FBXL17: variants seen among roughly 807,000 people sequenced by gnomAD.
The protein encoded by FBXL17 is F-box/LRR-repeat protein 17.
FBXL17 carries 22 observed loss-of-function variants against 66.2 expected under a neutral mutation model. The ratio of observed to expected loss-of-function variants is 0.33; its 90% CI spans 0.24 to 0.47. The LOEUF (loss-of-function observed/expected upper bound fraction) is 0.47, where lower values mean the gene tolerates loss of function less well. Ranked by LOEUF, FBXL17 falls within the 20% of genes least tolerant of loss-of-function variation. The pLI is 1.00. For missense variants in FBXL17, 878 were observed against 948.2 expected, an observed-to-expected ratio of 0.93 and a Z score of 0.97; for synonymous variants, 474 against 400.5, an observed-to-expected ratio of 1.18 and a Z score of -2.19.
intron 7 of FBXL17, among the ~76,000 whole-genome samples, chr5:108,016,360 G>A (rs1173174608): frequency 6.6e-6 from 1 of 152,144 alleles, no homozygotes; most frequent in Non-Finnish European, 1.5e-5. Context: ...TCAGCAACCT[G>A]TATGCCCCCA....
intron 6 of FBXL17, among the ~76,000 whole-genome samples, chr5:108,147,986 CA>C (rs1467497472): frequency 1.3e-5 from 2 of 149,882 alleles, no homozygotes; most frequent in African/African-American, 4.9e-5. Flanking sequence ...ATAATATAGG[CA>C]AAGGAAAAAA....
chr5:108,053,589 C>T (rs1179636155), intron 6 of FBXL17, among the ~76,000 whole-genome samples: 1 of 151,934 alleles, frequency 6.6e-6, no homozygotes, highest in Admixed American at 6.6e-5. Flanking sequence ...GTCAGAATGG[C>T]AATTATTAAA....
intron 6 of FBXL17, among the ~76,000 whole-genome samples, chr5:108,115,595 GAC>G (rs1370935998): frequency 2.7e-5 from 4 of 150,338 alleles, no homozygotes; most frequent in Non-Finnish European, 5.9e-5. Flanking sequence ...GAGAAATGCA[GAC>G]ACAGTATTTT....
chr5:108,330,461 G>A (rs2150236005), intron 4 of FBXL17, among the ~76,000 whole-genome samples: 1 of 152,222 alleles, frequency 6.6e-6, no homozygotes, highest in Non-Finnish European at 1.5e-5. Flanking sequence ...TTAATTATGT[G>A]AAACTTCTCA....
At chr5:108,350,125 A>T (rs1747547019) in intron 3 of FBXL17, among the ~76,000 whole-genome samples, 1 of 152,216 alleles carries the variant, frequency 6.6e-6, no homozygotes, top group South Asian at 2.1e-4. Flanking sequence ...CAGTGGGAAA[A>T]GCAAAGAAGT....
chr5:108,381,281 G>A lies in FBXL17; in HGVS notation c.411C>T (p.Pro137=). ...AAAAAASASS[P]ASCCKELGLA... is the part of the protein sequence containing the mutation. ...GCCCCAACTCTTTGCAGCAGGAGGC[G>A]GGCGACGAAGCCGAGGCGGCAGCGG... Residue 137 remains proline, a synonymous_variant, in exon 1 of 9, where the codon CCC becomes CCT. Coordinates refer to ENST00000542267, the MANE Select transcript of FBXL17 (RefSeq NM_001163315.3). The A allele has an allele frequency of 4.2e-6, 6 of 1,419,422 alleles. No individual in the cohort carries two copies. The highest frequency in any genetic ancestry group is 5.5e-6 in the Non-Finnish European group (6 of 1,090,980). The allele number at this position is 1,419,422 out of a possible 1,614,324, so 87.9% of individuals were successfully genotyped here. A position where few individuals can be genotyped will look rare whatever the true frequency, so the allele number is the denominator to read the frequency against.
chr5:107,880,417 C>G lies in FBXL17; in HGVS notation c.1965+620G>C, dbSNP rs531461421. On this transcript the variant is annotated intron_variant, in intron 8 of 8. Coordinates refer to ENST00000542267, the MANE Select transcript of FBXL17 (RefSeq NM_001163315.3). ...TCTTCAAAGGGTCCCACGTTAAATG[C>G]TACACCATTTCCTAAACTCATGCTC... The G allele has an allele frequency of 4.9e-5, 48 of 988,468 alleles. No homozygotes were observed. In the African/African-American group the frequency reaches 8.0e-4, roughly 17 times the overall value. The allele number at this position is 988,468 out of a possible 1,614,324, so 61.2% of individuals were successfully genotyped here.
At chr5:108,317,613 T>C (rs1759430785) in intron 4 of FBXL17, among the ~76,000 whole-genome samples, 1 of 151,298 alleles carries the variant, frequency 6.6e-6, no homozygotes, top group Admixed American at 6.6e-5. Context: ...TAGGATATAA[T>C]ACACTAAAGG....
At chr5:108,004,297 CTA>C (rs1254837211) in intron 7 of FBXL17, among the ~76,000 whole-genome samples, 1 of 152,086 alleles carries the variant, frequency 6.6e-6, no homozygotes, top group Non-Finnish European at 1.5e-5. Context: ...TTAACGAACA[CTA>C]TTTTCCCCAT....
intron 7 of FBXL17, among the ~76,000 whole-genome samples, chr5:107,974,152 A>T (rs1178300907): frequency 6.6e-6 from 1 of 152,186 alleles, no homozygotes; most frequent in Non-Finnish European, 1.5e-5. Flanking sequence ...GTAATCTAAT[A>T]GTTTTAAAAA....
intron 1 of FBXL17, among the ~76,000 whole-genome samples, chr5:108,370,190 C>T (rs926345446): frequency 6.6e-6 from 1 of 152,074 alleles, no homozygotes; most frequent in Non-Finnish European, 1.5e-5. Context: ...GGCCCAGCTA[C>T]GAATTGTTTT....
chr5:108,372,055 C>T (rs1035961389), intron 1 of FBXL17, among the ~76,000 whole-genome samples: 2 of 152,166 alleles, frequency 1.3e-5, no homozygotes, highest in East Asian at 1.9e-4. Context: ...CAGTCTACCT[C>T]GCTGTAAGCC....
chr5:108,009,308 T>TAGATAGATAGATACAC, intron 7 of FBXL17, among the ~76,000 whole-genome samples: 1 of 42,218 alleles, frequency 2.4e-5, no homozygotes, highest in African/African-American at 8.8e-5. Context: ...TATACATATA[T>TAGATAGATAGATACAC]ACATACACAT....
At chr5:108,008,734 C>T (rs1158824546) in intron 7 of FBXL17, among the ~76,000 whole-genome samples, 1 of 152,018 alleles carries the variant, frequency 6.6e-6, no homozygotes, top group Non-Finnish European at 1.5e-5. Context: ...GCTCCCTATA[C>T]AAGTGCCTGC....
At chr5:108,096,798 C>T (rs986674915) in intron 6 of FBXL17, among the ~76,000 whole-genome samples, 2 of 152,102 alleles carry the variant, frequency 1.3e-5, no homozygotes, top group East Asian at 3.9e-4. Context: ...TTAAGGAGGG[C>T]AGGCCTCATA....
At chr5:108,191,699 T>A (rs147770283) in intron 5 of FBXL17, among the ~76,000 whole-genome samples, 10 of 152,322 alleles carry the variant, frequency 6.6e-5, no homozygotes, top group Admixed American at 5.2e-4. Flanking sequence ...AAAGCTTGCA[T>A]CCAGGCCTAC....
intron 7 of FBXL17, among the ~76,000 whole-genome samples, chr5:107,940,396 T>C (rs537714211): frequency 1.3e-5 from 2 of 151,880 alleles, no homozygotes; most frequent in East Asian, 3.9e-4. Flanking sequence ...ACAACAACAG[T>C]GAGATGGCGT....
chr5:108,371,913 G>A (rs989814540), intron 1 of FBXL17, among the ~76,000 whole-genome samples: 7 of 152,210 alleles, frequency 4.6e-5, no homozygotes, highest in Middle Eastern at 3.4e-3. Flanking sequence ...TAGCTCAAGA[G>A]CCCACTAGTA....
chr5:108,241,636 A>G (rs7721632), intron 4 of FBXL17, among the ~76,000 whole-genome samples: 8,711 of 152,186 alleles, frequency 0.057, 826 homozygotes, highest in African/African-American at 0.2. Context: ...TCAAGCACAA[A>G]AAGATTATAG....
Sources: gnomAD v4.1 joint callset for allele counts (sites outside exome capture counted in the v4.1 genomes callset) on GRCh38, gnomAD v4.1.1 for gene constraint, MANE v1.5 for transcripts, NCBI Gene and HGNC (gene_info 2026-07-23, HGNC 2026-07-21) for gene names.